The following DMD variants were observed in gnomAD, a reference collection of about 807,000 sequenced individuals.
DMD encodes the protein dystrophin.
In DMD, 63 loss-of-function variants were observed where a neutral mutation model predicts 330.1. That is an observed-to-expected ratio of 0.19 (90% confidence interval 0.16 to 0.24). DMD has a LOEUF of 0.24. Ranked by LOEUF, DMD falls within the 10% of genes least tolerant of loss-of-function variation. The pLI, the probability that DMD is intolerant of heterozygous loss-of-function variation, is 1.00. For missense variants in DMD, 3,344 were observed against 2,684.1 expected (o/e 1.25, Z -5.43); for synonymous variants, 1,223 against 959.8 (o/e 1.27, Z -5.07).
At chrX:32,781,202 A>G (rs12014746) in intron 7 of DMD, among the ~76,000 whole-genome samples, 9,025 of 110,092 alleles carry the variant, frequency 0.082, 975 homozygotes, top group African/African-American at 0.29. Flanking sequence ...CACATGAGGA[A>G]GTCACCACCA....
intron 17 of DMD, among the ~76,000 whole-genome samples, chrX:32,539,092 T>A (rs2048255902): frequency 9.0e-6 from 1 of 111,322 alleles, no homozygotes; most frequent in African/African-American, 3.3e-5. Flanking sequence ...TCTTGATGCA[T>A]AAGACAACAT....
At chrX:32,674,910 G>A (rs1407572146) in intron 9 of DMD, among the ~76,000 whole-genome samples, 5 of 109,801 alleles carry the variant, frequency 4.6e-5, no homozygotes, top group Non-Finnish European at 9.5e-5. Context: ...TTTGTATCTT[G>A]AGTACATTTG....
intron 50 of DMD, among the ~76,000 whole-genome samples, chrX:31,811,893 A>T (rs767415919): frequency 3.6e-4 from 40 of 111,635 alleles, no homozygotes; most frequent in Non-Finnish European, 6.0e-4. Flanking sequence ...GTTTCTATTA[A>T]TGAGAAGGAT....
At chrX:32,619,828 C>T (rs979463828) in intron 11 of DMD, among the ~76,000 whole-genome samples, 2 of 111,339 alleles carry the variant, frequency 1.8e-5, no homozygotes, top group Non-Finnish European at 3.8e-5. Context: ...ACCTAGCATC[C>T]CCGGAACTGG....
chrX:32,031,104 T>C (rs2095879271), intron 44 of DMD, among the ~76,000 whole-genome samples: 1 of 107,796 alleles, frequency 9.3e-6, no homozygotes, highest in Non-Finnish European at 1.9e-5. Context: ...GTTCACGTCA[T>C]TGAAAACTGC....
At chrX:32,736,694 C>G (rs759684038) in intron 7 of DMD, among the ~76,000 whole-genome samples, 8 of 102,698 alleles carry the variant, frequency 7.8e-5, no homozygotes, top group Admixed American at 7.8e-4. Context: ...CATATTCTCA[C>G]TCATAGGTGG....
chrX:31,248,195 C>T (rs185886445), intron 63 of DMD, among the ~76,000 whole-genome samples: 23 of 112,383 alleles, frequency 2.0e-4, no homozygotes, highest in African/African-American at 7.1e-4. Context: ...TACTAGACTA[C>T]ATTATAGAGT....
intron 27 of DMD, among the ~76,000 whole-genome samples, chrX:32,445,628 G>C (rs1390291135): frequency 9.0e-6 from 1 of 110,598 alleles, no homozygotes; most frequent in Non-Finnish European, 1.9e-5. Context: ...CCAACTACCA[G>C]GCAGAAGGTG....
At chrX:31,325,848 G>T (rs2056746114) in intron 61 of DMD, among the ~76,000 whole-genome samples, 1 of 111,279 alleles carries the variant, frequency 9.0e-6, no homozygotes, top group African/African-American at 3.3e-5. Flanking sequence ...GGCTGTGAAT[G>T]CCAAGCCTGT....
intron 54 of DMD, among the ~76,000 whole-genome samples, chrX:31,628,424 T>C (rs2078963786): frequency 9.0e-6 from 1 of 110,604 alleles, no homozygotes; most frequent in Admixed American, 9.7e-5. Flanking sequence ...AAGAAGGGGA[T>C]TGGAGGGCAA....
rs186628781 is a variant in DMD at position 32,472,271 on chromosome X, T to C, written c.2842A>G (p.Met948Val). The C allele has an allele frequency of 3.6e-5, 44 of 1,209,266 alleles. 1 individual carries two copies. In the East Asian group the frequency reaches 1.3e-3, roughly 35 times the overall value. ...TGGACCCATGTCCTGATGGCACTCA[T>C]GGTCTCCTGATAGCGCATTGGTGGC... Reference protein sequence around the residue: ...TLPPMRYQETMSAIRTWVQQS... With the variant: ...TLPPMRYQETVSAIRTWVQQS... Residue 948 changes from methionine to valine, a missense_variant, in exon 22 of 79, where the codon ATG becomes GTG. Physicochemically the swap from Met to Val is conservative, Grantham distance 21 (BLOSUM62 1). Transcript: ENST00000357033.
chrX:31,653,483 T>G (rs918808124), intron 54 of DMD, among the ~76,000 whole-genome samples: 2 of 110,619 alleles, frequency 1.8e-5, no homozygotes, highest in African/African-American at 6.6e-5. Context: ...AACCCTCTGA[T>G]GCAAGGACCA....
At chrX:32,899,561 C>T (rs1156934582) in intron 2 of DMD, among the ~76,000 whole-genome samples, 1 of 107,337 alleles carries the variant, frequency 9.3e-6, no homozygotes, top group East Asian at 2.9e-4. Flanking sequence ...GTAGTCCCAG[C>T]TACTCAGGAG....
intron 2 of DMD, among the ~76,000 whole-genome samples, chrX:32,879,007 C>CAAA (rs780431879): frequency 1.5e-5 from 1 of 65,761 alleles, no homozygotes; most frequent in South Asian, 6.9e-4. Flanking sequence ...GACTACGTCT[C>CAAA]AAAAAAAAAA....
intron 55 of DMD, among the ~76,000 whole-genome samples, chrX:31,573,696 G>A (rs1177036328): frequency 1.8e-5 from 2 of 111,016 alleles, no homozygotes; most frequent in Admixed American, 1.9e-4. Context: ...ATAAAACAGC[G>A]CCATGTAAAC....
At chrX:32,798,975 A>G (rs1000875994) in intron 7 of DMD, among the ~76,000 whole-genome samples, 1 of 111,639 alleles carries the variant, frequency 9.0e-6, no homozygotes, top group Non-Finnish European at 1.9e-5. Flanking sequence ...AAAAAGTTAA[A>G]ACAGCCCTTG....
Position 31,876,230 on chromosome X carries a change from A to T in DMD, c.6913-857T>A, listed in dbSNP as rs750145307. 3.6e-5 allele frequency among the ~76,000 whole-genome samples: 4 copies of T among 112,632 alleles called. No homozygotes were observed. In the Admixed American group the frequency reaches 3.7e-4, roughly 11 times the overall value. ...TATTATTATGATCCCACTATCACACATGGGTGATGACGTTGGGGTTGAAAA... is the reference window on the plus strand; with the variant it reads ...TATTATTATGATCCCACTATCACACTTGGGTGATGACGTTGGGGTTGAAAA... On this transcript the variant is annotated intron_variant, in intron 47 of 78. Coordinates refer to ENST00000357033, the MANE Select transcript of DMD (RefSeq NM_004006.3).
chrX:32,349,427 A>T (rs749008879), intron 37 of DMD, among the ~76,000 whole-genome samples: 3 of 111,365 alleles, frequency 2.7e-5, no homozygotes, highest in African/African-American at 9.7e-5. Context: ...CATAGATGAC[A>T]TACAGAAATC....
intron 44 of DMD, among the ~76,000 whole-genome samples, chrX:32,074,809 A>C (rs1450683513): frequency 9.2e-6 from 1 of 109,276 alleles, no homozygotes; most frequent in Non-Finnish European, 1.9e-5. Flanking sequence ...CAGATTCCAG[A>C]TGGACCCTAA....
Sources: allele counts gnomAD v4.1 joint callset (sites outside exome capture counted in the v4.1 genomes callset), GRCh38; gene constraint gnomAD v4.1.1; transcripts MANE v1.5; gene names NCBI Gene and HGNC (gene_info 2026-07-23, HGNC 2026-07-21).